Variants in TTLL11 observed in about 807,000 individuals in gnomAD.
TTLL11 encodes the protein tubulin polyglutamylase TTLL11.
Under a neutral mutation model 51.7 loss-of-function variants are expected in TTLL11, and 42 were observed. The ratio of observed to expected loss-of-function variants is 0.81; its 90% confidence interval spans 0.64 to 1.05. The LOEUF is 1.05. Ranked by LOEUF, TTLL11 falls within the 50% of genes least tolerant of loss-of-function variation. The pLI, the probability that TTLL11 is intolerant of heterozygous loss-of-function variation, is 0.00. For synonymous variants in TTLL11, 381 were observed against 383.5 expected, an observed-to-expected ratio of 0.99 and a Z score of 0.08; for missense variants, 799 against 940.4, an observed-to-expected ratio of 0.85 and a Z score of 1.97.
intron 1 of TTLL11, among the ~76,000 whole-genome samples, chr9:122,076,315 C>A (rs1200772705): frequency 6.6e-6 from 1 of 152,174 alleles, no homozygotes; most frequent in East Asian, 1.9e-4. Context: ...TGGCAGTGGT[C>A]TGGCCTCTGC....
At chr9:121,966,174 G>A (rs1842392642) in intron 6 of TTLL11, among the ~76,000 whole-genome samples, 1 of 152,216 alleles carries the variant, frequency 6.6e-6, no homozygotes, top group African/African-American at 2.4e-5. Flanking sequence ...AGGGTGATAG[G>A]AAGTAATGAA....
chr9:121,828,423 C>T (rs905160628), intron 8 of TTLL11, among the ~76,000 whole-genome samples: 2 of 152,144 alleles, frequency 1.3e-5, no homozygotes, highest in Non-Finnish European at 2.9e-5. Context: ...GATCCGCCCA[C>T]CTTGGCCTCC....
intron 6 of TTLL11, among the ~76,000 whole-genome samples, chr9:121,881,308 TAA>T (rs1564286335): frequency 6.6e-6 from 1 of 152,232 alleles, no homozygotes; most frequent in Admixed American, 6.5e-5. Flanking sequence ...AAGCCATGTG[TAA>T]AAGTTATTCT....
rs200420090 is a variant in TTLL11 at position 121,847,275 on chromosome 9, G to GA, written c.1840+13061dup. ...TTAAAAATAGGAAGAAAGCAATAGAGAAAATCTATAAAACCAAAAGCTGGT... is the reference window on the plus strand; with the variant it reads ...TTAAAAATAGGAAGAAAGCAATAGAGAAAAATCTATAAAACCAAAAGCTGGT... On this transcript the variant is annotated intron_variant, in intron 8 of 8. Transcript: ENST00000321582. Among the ~76,000 whole-genome samples the GA allele has an allele frequency of 6.7e-3, 1,001 of 148,922 alleles. 8 individuals are homozygous for GA. The highest frequency in any genetic ancestry group is 0.023 in the African/African-American group (932 of 40,676).
chr9:121,966,567 A>G (rs1842404861), intron 6 of TTLL11, among the ~76,000 whole-genome samples: 1 of 152,254 alleles, frequency 6.6e-6, no homozygotes, highest in South Asian at 2.1e-4. Flanking sequence ...CTCTGACAGA[A>G]GTTTTAAAAA....
chr9:122,065,123 T>G (rs1238549852), intron 1 of TTLL11, among the ~76,000 whole-genome samples: 3 of 152,186 alleles, frequency 2.0e-5, no homozygotes, highest in African/African-American at 4.8e-5. Context: ...CCATCCCTAC[T>G]GGGAAATCAC....
intron 6 of TTLL11, among the ~76,000 whole-genome samples, chr9:121,929,125 A>G (rs1840862451): frequency 6.6e-6 from 1 of 152,128 alleles, no homozygotes; most frequent in Non-Finnish European, 1.5e-5. Flanking sequence ...AAGGCCCCCA[A>G]ACCACACAAA....
At chr9:121,921,101 T>C (rs1840524396) in intron 6 of TTLL11, among the ~76,000 whole-genome samples, 3 of 152,358 alleles carry the variant, frequency 2.0e-5, no homozygotes, top group South Asian at 2.1e-4. Context: ...CATTCATTCA[T>C]TCAAATATTT....
intron 7 of TTLL11, among the ~76,000 whole-genome samples, chr9:121,864,566 C>T (rs1275322362): frequency 6.6e-6 from 1 of 152,140 alleles, no homozygotes; most frequent in Non-Finnish European, 1.5e-5. Context: ...TAGGAAATTT[C>T]GATTTGCACA....
intron 8 of TTLL11, among the ~76,000 whole-genome samples, chr9:121,848,368 C>A (rs1342362518): frequency 3.9e-5 from 6 of 152,132 alleles, no homozygotes; most frequent in Admixed American, 3.9e-4. Flanking sequence ...CCCCCCCTTA[C>A]CATTCCTGTC....
intron 6 of TTLL11, among the ~76,000 whole-genome samples, chr9:121,929,815 T>C (rs1159136302): frequency 3.3e-5 from 5 of 152,238 alleles, no homozygotes; most frequent in Non-Finnish European, 7.3e-5. Flanking sequence ...CAGGCCACTT[T>C]GCTCCTTTGG....
chr9:122,055,226 T>TAGATAGAC (rs1554789347), intron 1 of TTLL11, among the ~76,000 whole-genome samples: 3 of 151,248 alleles, frequency 2.0e-5, no homozygotes, highest in Admixed American at 6.6e-5. Flanking sequence ...GATAGATAGA[T>TAGATAGAC]AGATAGATAG....
At chr9:122,019,619 G>A (rs951693849) in intron 3 of TTLL11, among the ~76,000 whole-genome samples, 4 of 151,922 alleles carry the variant, frequency 2.6e-5, no homozygotes, top group Non-Finnish European at 5.9e-5. Flanking sequence ...CCGGTAAATC[G>A]TTCATATTTT....
In TTLL11 at chr9:121,949,871, T is replaced by G. The variant is rs552415605; in HGVS notation, c.1481+24138A>C. Among the ~76,000 whole-genome samples, 8 of 152,258 alleles carry G rather than the reference T, an allele frequency of 5.3e-5. No homozygotes were observed. In the South Asian group the frequency reaches 1.5e-3, roughly 28 times the overall value. ...CCCTGTCCTCAGAGAAACTTTAAGA[T>G]AGTCTTCCTCAAGTCTTCTCTGCCC... On this transcript the variant is annotated intron_variant, in intron 6 of 8. Coordinates refer to ENST00000321582, the MANE Select transcript of TTLL11 (RefSeq NM_001139442.2).
At chr9:121,854,935 T>A (rs960931266) in intron 8 of TTLL11, among the ~76,000 whole-genome samples, 23 of 152,230 alleles carry the variant, frequency 1.5e-4, no homozygotes, top group Non-Finnish European at 2.5e-4. Context: ...ATCTTTTTTT[T>A]AAATGACAAT....
chr9:121,852,964 A>G (rs1837710275), intron 8 of TTLL11, among the ~76,000 whole-genome samples: 2 of 152,238 alleles, frequency 1.3e-5, no homozygotes, highest in Admixed American at 1.3e-4. Context: ...GGAGGGGGCA[A>G]GCCATGTTTA....
At chr9:122,068,935 T>G (rs988969981) in intron 1 of TTLL11, among the ~76,000 whole-genome samples, 1 of 152,122 alleles carries the variant, frequency 6.6e-6, no homozygotes, top group Admixed American at 6.5e-5. Context: ...GTGTGGGTGA[T>G]GCAGAGACCC....
intron 6 of TTLL11, among the ~76,000 whole-genome samples, chr9:121,892,089 T>A (rs1324245174): frequency 6.8e-6 from 1 of 147,700 alleles, no homozygotes; most frequent in Admixed American, 6.8e-5. Context: ...GTAGTGATGA[T>A]AATATCTATC....
rs1013875624 is a variant in TTLL11 at position 121,989,021 on chromosome 9, G to A, written c.1269+174C>T. The stretch of plus-strand genomic sequence containing the variant: ...TAGCTTGCCCCAAATCACACAGGGA[G>A]CAAACAGAAAGCTTGGAAGTTGGGC... On this transcript the variant is annotated intron_variant, in intron 4 of 8. Transcript: ENST00000321582. This position sits in a 1 kb window ranked among gnomAD's most constrained non-coding sequence, Gnocchi z 4.2. 5.4e-6 allele frequency: 8 copies of A among 1,478,136 alleles called. No individual in the cohort carries two copies. Among genetic ancestry groups the A allele is most frequent in the African/African-American group, 1.4e-5 (1 of 71,070 alleles). 91.6% of individuals were successfully genotyped at this position (1,478,136 alleles called of 1,614,324 possible).
Sources: gnomAD v4.1 joint callset for allele counts (sites outside exome capture counted in the v4.1 genomes callset) on GRCh38, gnomAD v4.1.1 for gene constraint, Gnocchi (gnomAD v3.1) non-coding constraint, MANE v1.5 for transcripts, NCBI Gene and HGNC (gene_info 2026-07-23, HGNC 2026-07-21) for gene names.